Variants in SEC23IP observed in about 807,000 individuals in gnomAD.
The protein encoded by SEC23IP is SEC23-interacting protein.
A neutral mutation model predicts 113.4 loss-of-function variants in SEC23IP; 70 were observed. The observed-to-expected ratio is 0.62, with a 90% CI of 0.51 to 0.75. The LOEUF (loss-of-function observed/expected upper bound fraction) is 0.75, where lower values mean the gene tolerates loss of function less well. Among genes scored for constraint, SEC23IP ranks in the 30% least tolerant of loss-of-function variants. The pLI is 0.00. For synonymous variants in SEC23IP, 398 were observed against 421.0 expected, an observed-to-expected ratio of 0.95 and a Z score of 0.67; for missense variants, 1,160 against 1,204.9, an observed-to-expected ratio of 0.96 and a Z score of 0.55.
intron 3 of SEC23IP, 119 bp downstream of exon 3, chr10:119,903,128 CTG>C: frequency 2.5e-6 from 2 of 806,758 alleles, no homozygotes; most frequent in Non-Finnish European, 3.9e-6. Flanking sequence ...ACCCCAGACT[CTG>C]TACCTTAAGG....
intron 9 of SEC23IP, 23 bp downstream of exon 9, chr10:119,918,067 T>C: frequency 1.3e-6 from 2 of 1,586,006 alleles, no homozygotes; most frequent in Non-Finnish European, 1.7e-6. Flanking sequence ...AATATTCACA[T>C]TTTAAATACA....
intron 13 of SEC23IP, 96 bp downstream of exon 13, chr10:119,926,323 C>A: frequency 8.1e-7 from 1 of 1,237,142 alleles, no homozygotes; most frequent in Non-Finnish European, 1.1e-6. Context: ...ATTTATTTAA[C>A]ATTTATTTGT....
At chr10:119,908,330 T>C (rs1349968476) in intron 4 of SEC23IP, among the ~76,000 whole-genome samples, 1 of 152,190 alleles carries the variant, frequency 6.6e-6, no homozygotes, top group Non-Finnish European at 1.5e-5. Flanking sequence ...AGTTGTGTCA[T>C]CTTGTGCAAC....
intron 17 of SEC23IP, 63 bp from the exon 18 acceptor site, chr10:119,933,623 T>C: frequency 1.1e-6 from 1 of 880,168 alleles, no homozygotes; most frequent in Non-Finnish European, 1.9e-6. Flanking sequence ...TTTTCAACCA[T>C]TGTGCATAGA....
intron 6 of SEC23IP, 52 bp from the exon 7 acceptor site, chr10:119,914,678 A>G: frequency 6.8e-7 from 1 of 1,461,714 alleles, no homozygotes; most frequent in South Asian, 1.1e-5. Context: ...CCATTAGGAA[A>G]ATCCAAACAA....
At chr10:119,908,934 A>G (rs572066742) in intron 4 of SEC23IP, 107 bp from the exon 5 acceptor site, 8 of 697,986 alleles carry the variant, frequency 1.1e-5, no homozygotes, top group South Asian at 5.7e-5. Flanking sequence ...GAGAACTGCT[A>G]TTACTGTTAT....
intron 13 of SEC23IP, 152 bp from the exon 14 acceptor site, chr10:119,929,455 C>G: frequency 1.6e-6 from 1 of 614,280 alleles, no homozygotes; most frequent in Non-Finnish European, 2.9e-6. Context: ...AGGATGGTCT[C>G]GATCTCCTGA....
Position 119,898,586 on chromosome 10 carries a change from T to C in SEC23IP, c.323T>C (p.Val108Ala), listed in dbSNP as rs183178325. The C allele has an allele frequency of 1.1e-5, 18 of 1,614,232 alleles. No individual in the cohort carries two copies. In the East Asian group the frequency reaches 1.8e-4, roughly 16 times the overall value. Residue 108 changes from valine (V) to alanine (A), a missense_variant, in exon 2 of 19, where the codon GTT becomes GCT. Val to Ala is a moderately conservative substitution (Grantham distance 64). Transcript: ENST00000369075. The part of the protein sequence containing the change: ...QSPLTTAATS[V>A]GQSGFPKPLT... ...CCATTAACAACTGCAGCAACCTCAG[T>C]TGGACAATCAGGATTCCCCAAGCCC...
chr10:119,905,000 G>T (rs1854615840), intron 4 of SEC23IP, among the ~76,000 whole-genome samples: 1 of 152,142 alleles, frequency 6.6e-6, no homozygotes, highest in Non-Finnish European at 1.5e-5. Context: ...CAGGCGTGGT[G>T]GCACACGCTA....
rs1447272831 is a variant in SEC23IP at position 119,943,147 on chromosome 10, C to A, written c.*2582C>A. On this transcript the variant is annotated 3_prime_UTR_variant, in exon 19 of 19. Coordinates refer to ENST00000369075, the MANE Select transcript of SEC23IP (RefSeq NM_007190.4). ...ACTTTAGTGTTTACCAAGCAGCTTTCTGGTGGAAACTTGAACTGCAGACAC... is the reference window on the plus strand; with the variant it reads ...ACTTTAGTGTTTACCAAGCAGCTTTATGGTGGAAACTTGAACTGCAGACAC... 1.3e-5 allele frequency: 2 copies of A among 152,188 alleles called. No homozygotes were observed. Among genetic ancestry groups the A allele is most frequent in the Admixed American group, 1.3e-4 (2 of 15,276 alleles). The allele number at this position is 152,188 out of a possible 1,614,324, so 9.4% of individuals were successfully genotyped here.
chr10:119,910,324 G>A (rs1030767108), intron 5 of SEC23IP, among the ~76,000 whole-genome samples: 3 of 151,980 alleles, frequency 2.0e-5, no homozygotes, highest in Non-Finnish European at 4.4e-5. Context: ...CTGGTATTCT[G>A]ATTCTATCAT....
At chr10:119,894,890 G>A (rs879739642) in intron 1 of SEC23IP, among the ~76,000 whole-genome samples, 46 of 122,868 alleles carry the variant, frequency 3.7e-4, no homozygotes, top group Non-Finnish European at 6.5e-4. Flanking sequence ...CTTGGAGACA[G>A]TCTGTGTGTG....
intron 13 of SEC23IP, among the ~76,000 whole-genome samples, chr10:119,928,907 C>T (rs565073420): frequency 2.0e-5 from 3 of 152,272 alleles, no homozygotes; most frequent in East Asian, 1.9e-4. Context: ...TAAGCTGTGC[C>T]GAGCTCGTGC....
At chr10:119,914,994 A>G (rs972586481) in intron 7 of SEC23IP, among the ~76,000 whole-genome samples, 175 bp downstream of exon 7, 6 of 152,340 alleles carry the variant, frequency 3.9e-5, no homozygotes, top group Admixed American at 6.5e-5. Context: ...CTCTTGTGAC[A>G]TATGTGACGC....
intron 8 of SEC23IP, among the ~76,000 whole-genome samples, chr10:119,916,641 T>G (rs2134491926): frequency 6.6e-6 from 1 of 152,346 alleles, no homozygotes; most frequent in East Asian, 1.9e-4. Flanking sequence ...GGGAAGATTT[T>G]TCATTCCATG....
intron 1 of SEC23IP, among the ~76,000 whole-genome samples, chr10:119,897,518 C>T (rs980444370): frequency 6.6e-6 from 1 of 152,184 alleles, no homozygotes. Context: ...GGTTGACCTA[C>T]TTGGGAATAC....
At chr10:119,930,848 TA>T (rs1426869086) in intron 15 of SEC23IP, among the ~76,000 whole-genome samples, 1 of 152,214 alleles carries the variant, frequency 6.6e-6, no homozygotes, top group East Asian at 1.9e-4. Context: ...TCATTAAACA[TA>T]ATGGATTGGT....
Position 119,911,970 on chromosome 10 carries a change from G to A in SEC23IP, c.1192-74G>A, listed in dbSNP as rs1263999700. ...CGTACTCTGAGGTATAGCTTATTAT[G>A]TGTTAAACTACTTAGCCTGTAGTGG... On this transcript the variant is annotated intron_variant, in intron 5 of 18. Coordinates refer to ENST00000369075, the MANE Select transcript of SEC23IP (RefSeq NM_007190.4). 3.9e-6 allele frequency: 6 copies of A among 1,553,208 alleles called. No homozygotes were observed. In the East Asian group the frequency reaches 1.4e-4, roughly 35 times the overall value.
intron 13 of SEC23IP, among the ~76,000 whole-genome samples, chr10:119,926,692 CT>C (rs1316392860): frequency 2.6e-5 from 4 of 152,094 alleles, no homozygotes; most frequent in Admixed American, 2.0e-4. Context: ...ATCACAGTGG[CT>C]TTTAGAATTA....
Sources: allele counts gnomAD v4.1 joint callset (sites outside exome capture counted in the v4.1 genomes callset), GRCh38; gene constraint gnomAD v4.1.1; transcripts MANE v1.5; gene names NCBI Gene and HGNC (gene_info 2026-07-23, HGNC 2026-07-21).